Variants in DPP6 observed in about 807,000 individuals in gnomAD.
DPP6 encodes dipeptidyl peptidase like 6.
Under a neutral mutation model 122.6 loss-of-function variants are expected in DPP6, and 69 were observed. That is an observed-to-expected ratio of 0.56 (90% CI 0.46 to 0.69). The LOEUF is 0.69. Among genes scored for constraint, DPP6 ranks in the 30% least tolerant of loss-of-function variants. DPP6 has a pLI of 0.00. For missense variants in DPP6, 928 were observed against 1,116.9 expected (o/e 0.83, Z 2.41); for synonymous variants, 418 against 433.1 (o/e 0.97, Z 0.43).
At chr7:154,048,783 T>C (rs186040077), upstream of DPP6, among the ~76,000 whole-genome samples, 1 of 118,110 alleles carries the variant, frequency 8.5e-6, no homozygotes, top group African/African-American at 2.9e-5. Flanking sequence ...GAAAACCTCT[T>C]AGCTAATAAA....
chr7:154,348,570 T>C (rs912671802), intron 1 of DPP6, among the ~76,000 whole-genome samples: 2 of 152,178 alleles, frequency 1.3e-5, no homozygotes, highest in Non-Finnish European at 2.9e-5. Flanking sequence ...TTTAGACTCA[T>C]GAAAGGTAGA....
chr7:154,107,330 A>G (rs1240213620), intron 1 of DPP6, among the ~76,000 whole-genome samples: 2 of 152,256 alleles, frequency 1.3e-5, no homozygotes, highest in African/African-American at 4.8e-5. Flanking sequence ...GAAATAAGCC[A>G]GGCACAGAAA....
chr7:154,083,576 C>G (rs946629369), intron 1 of DPP6, among the ~76,000 whole-genome samples: 16 of 150,860 alleles, frequency 1.1e-4, no homozygotes, highest in African/African-American at 3.2e-4. Flanking sequence ...AGCACCACTT[C>G]TCTTCAGCAT....
At chr7:154,191,943 T>C (rs1027540044) in intron 1 of DPP6, among the ~76,000 whole-genome samples, 2 of 152,188 alleles carry the variant, frequency 1.3e-5, no homozygotes, top group African/African-American at 4.8e-5. Flanking sequence ...GTAGAGTGTT[T>C]CCACTCTATA....
At chr7:154,615,788 T>C (rs1485951543) in intron 5 of DPP6, among the ~76,000 whole-genome samples, 1 of 152,160 alleles carries the variant, frequency 6.6e-6, no homozygotes, top group Non-Finnish European at 1.5e-5. Context: ...CCTTTCCTAC[T>C]CTTACCATTC....
the DPP6 span, among the ~76,000 whole-genome samples, chr7:153,848,071 T>C: frequency 6.6e-6 from 1 of 152,156 alleles, no homozygotes; most frequent in Non-Finnish European, 1.5e-5. Context: ...ACACAGGTTT[T>C]TTGCCTGGTC....
intron 1 of DPP6, among the ~76,000 whole-genome samples, chr7:154,167,121 G>T (rs1797294516): frequency 6.6e-6 from 1 of 151,580 alleles, no homozygotes; most frequent in Admixed American, 6.6e-5. Flanking sequence ...CCAGCGAACA[G>T]ACCATTCGTC....
At chr7:154,267,607 A>G (rs1180595409) in intron 1 of DPP6, among the ~76,000 whole-genome samples, 1 of 151,106 alleles carries the variant, frequency 6.6e-6, no homozygotes, top group African/African-American at 2.4e-5. Context: ...ATGTGCATGT[A>G]TATATCCCTT....
In DPP6 at chr7:154,540,600, A is replaced by G; in HGVS notation, c.526A>G (p.Thr176Ala). ...GTGGAATGTTGAAACAAATACTTCT[A>G]CTGTCTTAATAGAAGGCAAAAAAAT... ...RLWNVETNTS[T>A]VLIEGKKIES... is the part of the protein sequence containing the mutation. The change falls in exon 4 of 26, where the codon ACT becomes GCT. Residue 176 changes from threonine (T) to alanine (A), a missense_variant. Thr to Ala is a moderately conservative substitution (Grantham distance 58). Transcript: ENST00000377770. 6.2e-7 allele frequency: 1 copy of G among 1,602,412 alleles called. No individual in the cohort carries two copies. The highest frequency in any genetic ancestry group is 8.5e-7 in the Non-Finnish European group (1 of 1,175,340).
chr7:154,382,941 G>A (rs1813757103), intron 1 of DPP6, among the ~76,000 whole-genome samples: 1 of 152,158 alleles, frequency 6.6e-6, no homozygotes, highest in African/African-American at 2.4e-5. Context: ...TAACCAGGCT[G>A]GTCTTGAACT....
At chr7:153,805,823 A>G in the DPP6 span, among the ~76,000 whole-genome samples, 1 of 151,154 alleles carries the variant, frequency 6.6e-6, no homozygotes, top group South Asian at 2.1e-4. Flanking sequence ...GGACACAGGA[A>G]GGGGAACATC....
At chr7:153,877,089 G>A in the DPP6 span, among the ~76,000 whole-genome samples, 1 of 151,814 alleles carries the variant, frequency 6.6e-6, no homozygotes, top group Admixed American at 6.6e-5. Flanking sequence ...TTACACTTAG[G>A]CTATACTAAA....
At chr7:154,741,801 A>C (rs1181037757) in intron 8 of DPP6, among the ~76,000 whole-genome samples, 1 of 152,172 alleles carries the variant, frequency 6.6e-6, no homozygotes, top group Non-Finnish European at 1.5e-5. Flanking sequence ...TCAGATGCTC[A>C]TGCTCACAGT....
At chr7:153,813,853 G>A in the DPP6 span, among the ~76,000 whole-genome samples, 48 of 151,992 alleles carry the variant, frequency 3.2e-4, no homozygotes, top group Admixed American at 2.7e-3. Context: ...CATGTCCTTC[G>A]CCCACTTTTT....
chr7:153,971,434 G>A (rs115474061), intron 1 of DPP6, among the ~76,000 whole-genome samples: 15,850 of 134,340 alleles, frequency 0.12, 1,710 homozygotes, highest in African/African-American at 0.27. Context: ...TTCCTACCTT[G>A]TTACACTGGC....
At chr7:154,217,374 A>G (rs1292150597) in intron 1 of DPP6, among the ~76,000 whole-genome samples, 2 of 152,176 alleles carry the variant, frequency 1.3e-5, no homozygotes, top group Non-Finnish European at 2.9e-5. Context: ...GACCCACATG[A>G]AAAGAATGAA....
intron 1 of DPP6, among the ~76,000 whole-genome samples, chr7:154,278,623 A>G (rs1273658823): frequency 6.6e-6 from 1 of 152,236 alleles, no homozygotes; most frequent in East Asian, 1.9e-4. Flanking sequence ...ACATCCAAAT[A>G]TGTGTTTTCA....
the DPP6 span, among the ~76,000 whole-genome samples, chr7:153,760,128 G>A: frequency 6.6e-6 from 1 of 151,960 alleles, no homozygotes; most frequent in Non-Finnish European, 1.5e-5. Context: ...GTTTTATTTT[G>A]GATTATTTTT....
intron 1 of DPP6, among the ~76,000 whole-genome samples, chr7:154,324,529 A>G (rs1430951814): frequency 2.0e-5 from 3 of 151,978 alleles, no homozygotes; most frequent in African/African-American, 7.3e-5. Context: ...CCCAGGTTCC[A>G]TCCAGCATGA....
Sources: allele counts gnomAD v4.1 joint callset (sites outside exome capture counted in the v4.1 genomes callset), GRCh38; gene constraint gnomAD v4.1.1; transcripts MANE v1.5; gene names NCBI Gene and HGNC (gene_info 2026-07-23, HGNC 2026-07-21).